Variants in CNTN6 observed in about 807,000 individuals in gnomAD.
CNTN6 encodes contactin 6.
CNTN6 carries 137 observed loss-of-function variants against 122.8 expected under a neutral mutation model. That is an observed-to-expected ratio of 1.12 (90% confidence interval 0.97 to 1.29). CNTN6 has a LOEUF of 1.29. Among genes scored for constraint, CNTN6 ranks in the 50% most tolerant of loss-of-function variants. CNTN6 has a pLI of 0.00. For missense variants in CNTN6, 1,634 were observed against 1,223.4 expected, an observed-to-expected ratio of 1.34 and a Z score of -5.01; for synonymous variants, 570 against 426.0, an observed-to-expected ratio of 1.34 and a Z score of -4.16.
chr3:1,397,586 A>C (rs1013729133), intron 20 of CNTN6, among the ~76,000 whole-genome samples: 3 of 152,136 alleles, frequency 2.0e-5, no homozygotes, highest in African/African-American at 4.8e-5. Context: ...TTAGATTTAC[A>C]AGGAAAGAAA....
At chr3:1,326,945 A>C (rs1260813356) in intron 9 of CNTN6, among the ~76,000 whole-genome samples, 2 of 151,924 alleles carry the variant, frequency 1.3e-5, no homozygotes, top group African/African-American at 4.8e-5. Context: ...GGGTTCTGTA[A>C]CAGATTTTGG....
chr3:1,264,134 A>C (rs2094890269), intron 4 of CNTN6, among the ~76,000 whole-genome samples: 1 of 152,040 alleles, frequency 6.6e-6, no homozygotes, highest in African/African-American at 2.4e-5. Flanking sequence ...TAATTTAGTA[A>C]ACTATTTAAA....
At chr3:1,119,322 CGT>C (rs369235352) in intron 1 of CNTN6, among the ~76,000 whole-genome samples, 15 of 126,480 alleles carry the variant, frequency 1.2e-4, no homozygotes, top group Admixed American at 1.6e-4. Flanking sequence ...ACAGAAAAAT[CGT>C]GTGTGTGTGT....
chr3:1,342,289 C>A (rs1704003970), intron 11 of CNTN6, among the ~76,000 whole-genome samples: 3 of 151,966 alleles, frequency 2.0e-5, no homozygotes, highest in Admixed American at 1.3e-4. Context: ...GCCACCACAC[C>A]CGGCTAATTT....
intron 2 of CNTN6, among the ~76,000 whole-genome samples, chr3:1,181,321 A>T (rs1285840433): frequency 6.6e-6 from 1 of 152,160 alleles, no homozygotes; most frequent in Non-Finnish European, 1.5e-5. Flanking sequence ...AAAAATCCTG[A>T]GGTTGCTCTC....
intron 1 of CNTN6, among the ~76,000 whole-genome samples, chr3:1,100,557 C>G (rs2090832520): frequency 6.6e-6 from 1 of 151,986 alleles, no homozygotes; most frequent in Non-Finnish European, 1.5e-5. Flanking sequence ...CTGAAAAATT[C>G]TCAGCTATTA....
At chr3:1,203,478 G>A (rs2093913810) in intron 2 of CNTN6, among the ~76,000 whole-genome samples, 1 of 152,196 alleles carries the variant, frequency 6.6e-6, no homozygotes. Context: ...AGAAGTACGT[G>A]ACAGGAATGC....
At chr3:1,346,023 T>A (rs982545314) in intron 11 of CNTN6, among the ~76,000 whole-genome samples, 7 of 151,950 alleles carry the variant, frequency 4.6e-5, no homozygotes, top group African/African-American at 1.7e-4. Flanking sequence ...CTATTTCTAA[T>A]CCTCTTTGTC....
intron 4 of CNTN6, among the ~76,000 whole-genome samples, chr3:1,245,591 G>A (rs1343787196): frequency 4.0e-5 from 6 of 150,844 alleles, no homozygotes; most frequent in African/African-American, 1.5e-4. Context: ...AGTGTACGTG[G>A]CTCAGGTGAC....
chr3:1,355,375 A>G (rs900911052), intron 12 of CNTN6, among the ~76,000 whole-genome samples: 4 of 151,704 alleles, frequency 2.6e-5, no homozygotes, highest in Admixed American at 1.3e-4. Context: ...TTCTAAGTCT[A>G]TTATTACCAT....
Position 1,297,963 on chromosome 3 carries a change from G to A in CNTN6, c.733G>A (p.Val245Ile). ...ETIQAAKDSSVKLECFALGNP... is the reference protein window; with the variant it reads ...ETIQAAKDSSIKLECFALGNP... ...TATACAAGCTGCAAAGGATTCATCT[G>A]TAAAACTGGAATGTTTTGCCCTTGG... The change falls in exon 7 of 23, where the codon GTA (valine) becomes ATA (isoleucine). Residue 245 changes from valine to isoleucine, a missense_variant. Val to Ile is a conservative substitution (Grantham distance 29). Transcript: ENST00000446702. 1.9e-6 allele frequency: 3 copies of A among 1,611,170 alleles called. No individual in the cohort carries two copies. Among genetic ancestry groups the A allele is most frequent in the East Asian group, 4.5e-5 (2 of 44,804 alleles).
At chr3:1,365,875 C>T (rs1446553608) in intron 12 of CNTN6, among the ~76,000 whole-genome samples, 5 of 152,044 alleles carry the variant, frequency 3.3e-5, no homozygotes, top group Admixed American at 1.3e-4. Context: ...ACCAGGAACA[C>T]TTACTGGATA....
At chr3:1,341,081 T>G (rs1406501604) in intron 11 of CNTN6, among the ~76,000 whole-genome samples, 1 of 152,188 alleles carries the variant, frequency 6.6e-6, no homozygotes, top group African/African-American at 2.4e-5. Context: ...ATAGGCAGAA[T>G]GTCCTCACAA....
chr3:1,385,120 G>T (rs1376308604), intron 19 of CNTN6, among the ~76,000 whole-genome samples: 8 of 151,806 alleles, frequency 5.3e-5, no homozygotes, highest in Non-Finnish European at 1.2e-4. Context: ...TTGAAAATAG[G>T]TACTTAATTT....
chr3:1,322,076 A>G (rs1393032348), intron 8 of CNTN6, among the ~76,000 whole-genome samples: 1 of 151,756 alleles, frequency 6.6e-6, no homozygotes, highest in Non-Finnish European at 1.5e-5. Flanking sequence ...AAATATCAGC[A>G]GTGTCATGTT....
At chr3:1,372,219 T>A (rs3852033) in intron 12 of CNTN6, 80 bp from the exon 13 acceptor site, 272,885 of 1,085,508 alleles carry the variant, frequency 0.25, 38,007 homozygotes, top group African/African-American at 0.47. Flanking sequence ...AAATGAATGA[T>A]AAAGTATTCA....
At chr3:1,245,280 C>A (rs1391583222) in intron 4 of CNTN6, among the ~76,000 whole-genome samples, 133 of 4,932 alleles carry the variant, frequency 0.027, 25 homozygotes, top group Non-Finnish European at 0.031. Flanking sequence ...TATATACACA[C>A]ACATATATAT....
intron 4 of CNTN6, among the ~76,000 whole-genome samples, chr3:1,255,909 C>T (rs1170927299): frequency 1.3e-5 from 2 of 151,918 alleles, no homozygotes; most frequent in African/African-American, 2.4e-5. Flanking sequence ...GCTCTGTCAT[C>T]CAGGCTTGAG....
chr3:1,329,373 CT>C (rs1701979933), intron 10 of CNTN6, among the ~76,000 whole-genome samples: 1 of 151,598 alleles, frequency 6.6e-6, no homozygotes, highest in African/African-American at 2.4e-5. Flanking sequence ...TTGAAACCAT[CT>C]TCATCCTCTT....
Sources: gnomAD v4.1 joint callset for allele counts (sites outside exome capture counted in the v4.1 genomes callset) on GRCh38, gnomAD v4.1.1 for gene constraint, MANE v1.5 for transcripts, NCBI Gene and HGNC (gene_info 2026-07-23, HGNC 2026-07-21) for gene names.